Variants in PARVB observed in about 807,000 individuals in gnomAD.
The protein encoded by PARVB is parvin beta, also known as beta-parvin.
PARVB carries 46 observed loss-of-function variants against 47.0 expected under a neutral mutation model. The observed-to-expected ratio is 0.98, with a 90% CI of 0.77 to 1.25. The LOEUF is 1.25. PARVB is among the 50% of genes most tolerant of loss of function. The probability of loss-of-function intolerance (pLI) is 0.00; values close to 1 mark genes in which losing one functional copy is unlikely to be tolerated. For synonymous variants in PARVB, 196 were observed against 196.3 expected (o/e 1.00, Z 0.01); for missense variants, 473 against 471.6 (o/e 1.00, Z -0.03).
At position 44,024,394 on chromosome 22, in the gene PARVB, G is replaced by T; in HGVS notation, c.55G>T (p.Glu19Ter). Residue 19 changes from glutamate (E) to a stop codon, truncating the protein, a stop_gained, in exon 1 of 13, where the codon GAG (glutamate) becomes TAG (stop). Transcript: ENST00000338758. LOFTEE classifies it high-confidence loss of function. ...GCGGCCCCGCAGGATGAAGAAGGACGAGTCGTTCCTGGGCAAGCTGGGCGG... is the reference window on the plus strand; with the variant it reads ...GCGGCCCCGCAGGATGAAGAAGGACTAGTCGTTCCTGGGCAAGCTGGGCGG... ...TPRPRRMKKD[E>*]SFLGKLGGTL... 1.6e-6 allele frequency: 2 copies of T among 1,257,090 alleles called. No homozygotes were observed. The highest frequency in any genetic ancestry group is 2.0e-6 in the Non-Finnish European group (2 of 985,522). 77.9% of individuals were successfully genotyped at this position (1,257,090 alleles called of 1,614,324 possible). A position where few individuals can be genotyped will look rare whatever the true frequency, so the allele number is the denominator to read the frequency against.
intron 3 of PARVB, chr22:44,107,565 G>A (rs2052595430): frequency 6.6e-6 from 1 of 152,146 alleles, no homozygotes; most frequent in African/African-American, 2.4e-5. Context: ...GGTGGGGGCT[G>A]GCCCCAGAGT....
chr22:44,035,368 C>CTTTTT (rs57745730), intron 1 of PARVB, among the ~76,000 whole-genome samples: 7 of 118,038 alleles, frequency 5.9e-5, no homozygotes, highest in Non-Finnish European at 8.9e-5. Flanking sequence ...TTTCTTTTTC[C>CTTTTT]TTTTTTTTTT....
intron 1 of PARVB, among the ~76,000 whole-genome samples, chr22:44,088,596 C>T (rs1437853279): frequency 6.6e-6 from 1 of 152,144 alleles, no homozygotes; most frequent in Non-Finnish European, 1.5e-5. Context: ...CTCAGCCGCC[C>T]AAGTAGCTGG....
intron 11 of PARVB, among the ~76,000 whole-genome samples, chr22:44,159,752 G>C (rs2054012482): frequency 6.6e-6 from 1 of 152,100 alleles, no homozygotes. Context: ...CAGGTGGGTG[G>C]TCCCTGCTGT....
At chr22:44,064,468 C>T (rs534233722) in intron 1 of PARVB, among the ~76,000 whole-genome samples, 54 of 152,274 alleles carry the variant, frequency 3.5e-4, no homozygotes, top group Admixed American at 9.8e-4. Flanking sequence ...TGCTTCACGT[C>T]CTTGGAGGCC....
intron 3 of PARVB, chr22:44,115,423 C>G (rs2052858820): frequency 8.2e-6 from 1 of 122,142 alleles, no homozygotes; most frequent in Admixed American, 7.6e-5. Flanking sequence ...TTAACTAAGG[C>G]CCTGCACCAA....
intron 2 of PARVB, among the ~76,000 whole-genome samples, chr22:44,014,195 C>T (rs1329694759): frequency 1.3e-5 from 2 of 152,188 alleles, no homozygotes. Flanking sequence ...GACTCAGGTC[C>T]CTCTTTCTGC....
chr22:44,018,678 G>A (rs915989291), intron 2 of PARVB, among the ~76,000 whole-genome samples: 3 of 152,060 alleles, frequency 2.0e-5, no homozygotes, highest in Non-Finnish European at 4.4e-5. Flanking sequence ...TTCCTCGCTT[G>A]GTCCTCCACA....
chr22:44,162,084 C>T (rs1008054065), intron 11 of PARVB, among the ~76,000 whole-genome samples: 6 of 152,354 alleles, frequency 3.9e-5, no homozygotes, highest in South Asian at 2.1e-4. Flanking sequence ...GACCCTCTTG[C>T]GGTTGGTGCT....
At chr22:44,168,173 C>T (rs1170453890) in intron 12 of PARVB, 3 of 169,282 alleles carry the variant, frequency 1.8e-5, no homozygotes, top group Non-Finnish European at 3.9e-5. Context: ...TGTCTGATTC[C>T]CAGGAAGGTT....
chr22:44,044,139 G>A (rs1397351289), intron 1 of PARVB, among the ~76,000 whole-genome samples: 2 of 151,788 alleles, frequency 1.3e-5, no homozygotes, highest in Non-Finnish European at 2.9e-5. Flanking sequence ...ACATTCTTAG[G>A]GGCCCACAAA....
chr22:44,157,869 G>C, intron 10 of PARVB, 113 bp from the exon 11 acceptor site: 1 of 702,820 alleles, frequency 1.4e-6, no homozygotes, highest in Non-Finnish European at 2.5e-6. Flanking sequence ...CTCCAGCCTG[G>C]GTGACAGAGT....
chr22:44,016,283 A>G (rs1357967260), intron 2 of PARVB, among the ~76,000 whole-genome samples: 2 of 151,714 alleles, frequency 1.3e-5, no homozygotes, highest in African/African-American at 4.8e-5. Context: ...TTTTTAGTAG[A>G]GACGGGGTTT....
chr22:44,102,540 CAG>C (rs1410207212), intron 3 of PARVB, among the ~76,000 whole-genome samples: 2 of 152,080 alleles, frequency 1.3e-5, no homozygotes, highest in African/African-American at 2.4e-5. Flanking sequence ...TGTGGAGACT[CAG>C]AGAGAGGTGA....
At chr22:44,145,249 AG>A (rs2053639153) in intron 8 of PARVB, 2 of 152,318 alleles carry the variant, frequency 1.3e-5, no homozygotes, top group African/African-American at 4.8e-5. Context: ...AGGGGGTCGG[AG>A]AGGGAAGGAT....
chr22:44,161,681 A>G (rs564078812), intron 11 of PARVB, among the ~76,000 whole-genome samples: 3 of 152,328 alleles, frequency 2.0e-5, no homozygotes, highest in African/African-American at 7.2e-5. Context: ...TTTGTGAAGG[A>G]AGATGATATT....
intron 1 of PARVB, among the ~76,000 whole-genome samples, chr22:44,084,775 A>G (rs1043911723): frequency 6.6e-6 from 1 of 151,656 alleles, no homozygotes; most frequent in Non-Finnish European, 1.5e-5. Context: ...GAGGCCCGAG[A>G]CTCCTTCTGG....
At chr22:44,104,140 A>G (rs2052515834) in intron 3 of PARVB, 2 of 152,140 alleles carry the variant, frequency 1.3e-5, no homozygotes, top group African/African-American at 4.8e-5. Flanking sequence ...ATCCTTGGCC[A>G]TTTCCTGGAA....
In PARVB at chr22:44,163,876, G is replaced by A. The variant is rs749414411; in HGVS notation, c.964G>A (p.Ala322Thr). 8.6e-5 allele frequency: 138 copies of A among 1,609,674 alleles called. No homozygotes were observed. Among genetic ancestry groups the A allele is most frequent in the Middle Eastern group, 6.6e-4 (4 of 6,074 alleles). ...TTGGCAGGTCCACAATGTGTCCTTC[G>A]CCTTTGAGCTGATGCTGGACGGAGG... ...FDQKVHNVSF[A>T]FELMLDGGLK... is the part of the protein sequence containing the mutation. The change falls in exon 12 of 13, where the codon GCC (alanine) becomes ACC (threonine). Residue 322 changes from alanine to threonine, a missense_variant. Transcript: ENST00000338758.
Sources: gnomAD v4.1 joint callset for allele counts (sites outside exome capture counted in the v4.1 genomes callset) on GRCh38, gnomAD v4.1.1 for gene constraint, MANE v1.5 for transcripts, NCBI Gene and HGNC (gene_info 2026-07-23, HGNC 2026-07-21) for gene names.